HMMR: variants seen among roughly 807,000 people sequenced by gnomAD.
HMMR encodes the protein hyaluronan mediated motility receptor.
Under a neutral mutation model 101.0 loss-of-function variants are expected in HMMR, and 108 were observed. That is an observed-to-expected ratio of 1.07 (90% CI 0.92 to 1.25). The LOEUF (loss-of-function observed/expected upper bound fraction) is 1.25. HMMR is among the 50% of genes most tolerant of loss of function. The pLI, the probability that HMMR is intolerant of heterozygous loss-of-function variation, is 0.00. For missense variants in HMMR, 813 were observed against 788.7 expected (o/e 1.03, Z -0.37); for synonymous variants, 296 against 276.4 (o/e 1.07, Z -0.70).
At chr5:163,475,338 G>GT in intron 10 of HMMR, 120 bp from the exon 11 acceptor site, 1 of 539,982 alleles carries the variant, frequency 1.9e-6, no homozygotes, top group South Asian at 2.8e-5. Context: ...ATTGTTTTAA[G>GT]TTTCCTTGAA....
In HMMR at chr5:163,490,410, T is replaced by C; in HGVS notation, c.1983T>C (p.Cys661=). 6.3e-7 allele frequency: 1 copy of C among 1,583,988 alleles called. No individual in the cohort carries two copies. The highest frequency in any genetic ancestry group is 8.6e-7 in the Non-Finnish European group (1 of 1,166,762). ...QLKSEVSKLR[C]QLAKKKQSET... is the part of the protein sequence containing the mutation. The stretch of plus-strand genomic sequence containing the variant: ...CCTAGGAAGTATCAAAACTCCGCTG[T>C]CAGCTTGCTAAAAAAAAACAAAGTG... Residue 661 remains cysteine (C), a synonymous_variant, in exon 17 of 18, where the codon TGT becomes TGC. Coordinates refer to ENST00000393915, the MANE Select transcript of HMMR (RefSeq NM_001142556.2).
At chr5:163,483,922 T>C in intron 15 of HMMR, 147 bp from the exon 16 acceptor site, 2 of 516,626 alleles carry the variant, frequency 3.9e-6, no homozygotes, top group Non-Finnish European at 6.9e-6. Flanking sequence ...AAGATTCTCA[T>C]AGAGAATCTA....
chr5:163,468,779 A>G (rs1472938047), intron 4 of HMMR, among the ~76,000 whole-genome samples: 1 of 151,684 alleles, frequency 6.6e-6, no homozygotes, highest in African/African-American at 2.4e-5. Flanking sequence ...TTCATTGGGT[A>G]TAGAATTTTA....
Sources: allele counts gnomAD v4.1 joint callset (sites outside exome capture counted in the v4.1 genomes callset), GRCh38; gene constraint gnomAD v4.1.1; transcripts MANE v1.5; gene names NCBI Gene and HGNC (gene_info 2026-07-23, HGNC 2026-07-21).